The following NKAIN3 variants were observed in gnomAD, a reference collection of about 807,000 sequenced individuals.
NKAIN3 encodes sodium/potassium-transporting ATPase subunit beta-1-interacting protein 3.
A neutral mutation model predicts 30.2 loss-of-function variants in NKAIN3; 25 were observed. That is an observed-to-expected ratio of 0.83 (90% CI 0.60 to 1.16). NKAIN3 has a LOEUF of 1.16. Among genes scored for constraint, NKAIN3 ranks in the 50% most tolerant of loss-of-function variants. NKAIN3 has a pLI of 0.00. For synonymous variants in NKAIN3, 91 were observed against 89.6 expected, an observed-to-expected ratio of 1.02 and a Z score of -0.09; for missense variants, 225 against 254.1, an observed-to-expected ratio of 0.89 and a Z score of 0.78.
chr8:62,488,224 G>C (rs1270472204), intron 1 of NKAIN3, among the ~76,000 whole-genome samples: 1 of 151,700 alleles, frequency 6.6e-6, no homozygotes, highest in Non-Finnish European at 1.5e-5. Flanking sequence ...GATTTTGCTG[G>C]TTCACCCACA....
At chr8:62,884,411 A>G (rs1302433125) in intron 4 of NKAIN3, among the ~76,000 whole-genome samples, 1 of 152,114 alleles carries the variant, frequency 6.6e-6, no homozygotes, top group Non-Finnish European at 1.5e-5. Flanking sequence ...GGCATGCGCC[A>G]CCACACCTAG....
intron 3 of NKAIN3, among the ~76,000 whole-genome samples, chr8:62,646,806 C>A (rs1463331704): frequency 6.6e-6 from 1 of 151,794 alleles, no homozygotes; most frequent in Non-Finnish European, 1.5e-5. Flanking sequence ...TAAAAAATGA[C>A]CAAAAATATT....
chr8:62,891,587 C>G (rs1305700139), intron 4 of NKAIN3, among the ~76,000 whole-genome samples: 2 of 152,144 alleles, frequency 1.3e-5, no homozygotes, highest in African/African-American at 4.8e-5. Flanking sequence ...ACTAATACAG[C>G]AAGTGTCGCT....
At chr8:62,665,727 T>TC (rs1334280541) in intron 3 of NKAIN3, among the ~76,000 whole-genome samples, 1 of 152,050 alleles carries the variant, frequency 6.6e-6, no homozygotes, top group African/African-American at 2.4e-5. Flanking sequence ...TCCTGTGCCC[T>TC]CTCCCCCAGC....
chr8:62,918,415 C>T lies in NKAIN3; in HGVS notation c.472-38C>T, dbSNP rs1427350392. On this transcript the variant is annotated intron_variant, in intron 4 of 6. Coordinates refer to ENST00000623646, the MANE Select transcript of NKAIN3 (RefSeq NM_001304533.3). ...TGGCTCTTTAAGTATGGAAACTTGGCATAGATTCTTAAGGTACACATTTTT... is the reference window on the plus strand; with the variant it reads ...TGGCTCTTTAAGTATGGAAACTTGGTATAGATTCTTAAGGTACACATTTTT... The T allele has an allele frequency of 4.7e-6, 7 of 1,485,504 alleles. No homozygotes were observed. The East Asian group carries it at 1.6e-4, about 34-fold the overall frequency. 92.0% of individuals were successfully genotyped at this position (1,485,504 alleles called of 1,614,324 possible). A position where few individuals can be genotyped will look rare whatever the true frequency, so the allele number is the denominator to read the frequency against.
At position 62,836,492 on chromosome 8, in the gene NKAIN3, A is replaced by G. The variant is rs775387911; in HGVS notation, c.472-81961A>G. Among the ~76,000 whole-genome samples the G allele has an allele frequency of 2.6e-4, 39 of 152,138 alleles. 1 individual carries two copies. The highest frequency in any genetic ancestry group is 7.4e-5 in the Non-Finnish European group (5 of 68,012). On this transcript the variant is annotated intron_variant, in intron 4 of 6. Transcript: ENST00000623646. ...ATAAATGTACTAAATATAATAGTAC[A>G]TTTCATCTGCAAATTTCAGAACTTT... is the stretch of plus-strand genomic sequence containing the variant.
intron 5 of NKAIN3, among the ~76,000 whole-genome samples, chr8:62,927,032 G>T (rs1822470603): frequency 6.6e-6 from 1 of 152,056 alleles, no homozygotes. Context: ...AAAGAAAATA[G>T]AAATCACCCT....
chr8:62,672,848 T>TC (rs1332988038), intron 3 of NKAIN3, among the ~76,000 whole-genome samples: 2 of 152,198 alleles, frequency 1.3e-5, no homozygotes, highest in South Asian at 2.1e-4. Flanking sequence ...GTCAATTTTA[T>TC]CTAAAAAAAT....
At chr8:62,387,349 CAA>C (rs5891851) in intron 1 of NKAIN3, among the ~76,000 whole-genome samples, 237 of 142,344 alleles carry the variant, frequency 1.7e-3, no homozygotes, top group Middle Eastern at 3.6e-3. Context: ...AAAAATGTAG[CAA>C]AAAAAAAAAA....
chr8:62,619,301 G>A (rs1811553236), intron 3 of NKAIN3, among the ~76,000 whole-genome samples: 1 of 152,150 alleles, frequency 6.6e-6, no homozygotes, highest in African/African-American at 2.4e-5. Flanking sequence ...TATCAACACA[G>A]ACCTTAAGTC....
intron 1 of NKAIN3, among the ~76,000 whole-genome samples, chr8:62,376,154 C>T (rs1428697472): frequency 2.6e-5 from 4 of 152,214 alleles, no homozygotes; most frequent in Admixed American, 1.3e-4. Context: ...AGAGTTCCCC[C>T]AGACACAGGG....
At chr8:62,888,235 A>C (rs1457834964) in intron 4 of NKAIN3, among the ~76,000 whole-genome samples, 2 of 152,200 alleles carry the variant, frequency 1.3e-5, no homozygotes, top group African/African-American at 4.8e-5. Flanking sequence ...TTTAAAATAA[A>C]AGTTTCTCTT....
At chr8:62,674,942 C>T (rs1398036246) in intron 3 of NKAIN3, among the ~76,000 whole-genome samples, 1 of 152,196 alleles carries the variant, frequency 6.6e-6, no homozygotes, top group Non-Finnish European at 1.5e-5. Context: ...CAACATTCTC[C>T]TCCCCAAATC....
At chr8:62,317,390 A>G (rs1424757940) in intron 1 of NKAIN3, among the ~76,000 whole-genome samples, 3 of 152,158 alleles carry the variant, frequency 2.0e-5, no homozygotes, top group Non-Finnish European at 2.9e-5. Flanking sequence ...GTTTTCTTCT[A>G]GGGTTTTTAT....
chr8:62,278,429 G>A (rs866947898), intron 1 of NKAIN3, among the ~76,000 whole-genome samples: 1 of 151,778 alleles, frequency 6.6e-6, no homozygotes, highest in African/African-American at 2.4e-5. Flanking sequence ...TGCACAACGT[G>A]CAGGTTTGTT....
chr8:62,918,419 G>C, intron 4 of NKAIN3, 34 bp from the exon 5 acceptor site: 1 of 1,530,742 alleles, frequency 6.5e-7, no homozygotes, highest in Non-Finnish European at 9.0e-7. Flanking sequence ...ACTTGGCATA[G>C]ATTCTTAAGG....
intron 1 of NKAIN3, among the ~76,000 whole-genome samples, chr8:62,302,616 CT>C (rs1208906079): frequency 2.6e-5 from 4 of 151,958 alleles, no homozygotes; most frequent in Admixed American, 6.6e-5. Flanking sequence ...TGAATTCTGG[CT>C]TTTCTTGTAG....
intron 5 of NKAIN3, among the ~76,000 whole-genome samples, chr8:62,931,918 C>T (rs1469140708): frequency 6.6e-6 from 1 of 152,130 alleles, no homozygotes; most frequent in Non-Finnish European, 1.5e-5. Flanking sequence ...GTATTCTTTC[C>T]ATATTTTAAG....
chr8:62,873,365 T>G (rs963519219), intron 4 of NKAIN3, among the ~76,000 whole-genome samples: 16 of 151,624 alleles, frequency 1.1e-4, no homozygotes, highest in Non-Finnish European at 2.4e-4. Flanking sequence ...ACAAAGAGAC[T>G]TAGACTCCCA....
Sources: gnomAD v4.1 joint callset for allele counts (sites outside exome capture counted in the v4.1 genomes callset) on GRCh38, gnomAD v4.1.1 for gene constraint, MANE v1.5 for transcripts, NCBI Gene and HGNC (gene_info 2026-07-23, HGNC 2026-07-21) for gene names.